Variants in BFSP1 observed in about 807,000 individuals in gnomAD.
The protein encoded by BFSP1 is beaded filament structural protein 1, also known as filensin.
In BFSP1, 38 loss-of-function variants were observed where a neutral mutation model predicts 43.9. That is an observed-to-expected ratio of 0.87 (90% CI 0.67 to 1.14). The LOEUF is 1.14. Among genes scored for constraint, BFSP1 ranks in the 50% most tolerant of loss-of-function variants. BFSP1 has a pLI of 0.00. For missense variants in BFSP1, 850 were observed against 875.1 expected, an observed-to-expected ratio of 0.97 and a Z score of 0.36; for synonymous variants, 352 against 354.8, an observed-to-expected ratio of 0.99 and a Z score of 0.09.
chr20:17,531,801 T>C (rs11906724), upstream of BFSP1, among the ~76,000 whole-genome samples: 420 of 152,328 alleles, frequency 2.8e-3, 3 homozygotes, highest in African/African-American at 9.6e-3. Flanking sequence ...ATTTTTTTTT[T>C]CTGATTACTT....
chr20:17,530,888 C>T (rs2034518725), intron 1 of BFSP1, 65 bp downstream of exon 1: 2 of 1,320,396 alleles, frequency 1.5e-6, no homozygotes, highest in Non-Finnish European at 1.9e-6. Context: ...GCAGCGTGCT[C>T]CCAGCCCCGC....
Position 17,494,136 on chromosome 20 carries a change from C to A in BFSP1, c.1936G>T (p.Val646Leu). Residue 646 changes from valine (V) to leucine (L), a missense_variant, in exon 8 of 8, where the codon GTG becomes TTG. Val to Leu is a conservative substitution (Grantham distance 32, BLOSUM62 1). Coordinates refer to ENST00000377873, the MANE Select transcript of BFSP1 (RefSeq NM_001195.5). Reference protein sequence around the residue: ...IQTYEETAVIVETMIGKTKSD... With the variant: ...IQTYEETAVILETMIGKTKSD... ...TTTGTCTTTCCAATCATGGTCTCCA[C>A]GATCACAGCGGTTTCTTCATATGTC... The A allele has an allele frequency of 1.9e-6, 3 of 1,614,152 alleles. No individual in the cohort carries two copies. Among genetic ancestry groups the A allele is most frequent in the Non-Finnish European group, 2.5e-6 (3 of 1,180,034 alleles).
At chr20:17,505,166 C>T (rs954512081) in intron 5 of BFSP1, among the ~76,000 whole-genome samples, 11 of 152,162 alleles carry the variant, frequency 7.2e-5, no homozygotes, top group African/African-American at 2.4e-4. Context: ...GTGCTTCCTC[C>T]GGGGCTCTTA....
chr20:17,494,466 G>A lies in BFSP1; in HGVS notation c.1606C>T (p.Pro536Ser). ...TTGTCTATAGGCTGCTGGTCAATTG[G>A]TTGTCCATCTTCTTTCTCCTGCAGA... is the stretch of plus-strand genomic sequence containing the variant. ...VGLQEKEDGQ[P>S]IDQQPIDKEI... The change falls in exon 8 of 8, where the codon CCA becomes TCA. Residue 536 changes from proline (P) to serine (S), a missense_variant. Transcript: ENST00000377873. The A allele has an allele frequency of 1.9e-6, 3 of 1,614,154 alleles. No homozygotes were observed. The highest frequency in any genetic ancestry group is 2.5e-6 in the Non-Finnish European group (3 of 1,180,040).
intron 1 of BFSP1, chr20:17,558,576 G>T: frequency 8.3e-7 from 1 of 1,204,372 alleles, no homozygotes; most frequent in Non-Finnish European, 1.2e-6. Flanking sequence ...AAACAAATGT[G>T]CAACCCGCTT....
intron 1 of BFSP1, among the ~76,000 whole-genome samples, chr20:17,556,887 C>T (rs1476088016): frequency 1.3e-5 from 2 of 151,828 alleles, no homozygotes; most frequent in Admixed American, 6.6e-5. Context: ...TTTTTAATAG[C>T]CAGAAAAAAT....
chr20:17,530,337 C>A (rs901822094), intron 1 of BFSP1, among the ~76,000 whole-genome samples: 1 of 152,264 alleles, frequency 6.6e-6, no homozygotes, highest in Non-Finnish European at 1.5e-5. Flanking sequence ...CTGGCCAAAT[C>A]CCTACATTTT....
Position 17,524,905 on chromosome 20 carries a change from A to G in BFSP1, c.381T>C (p.Tyr127=). The G allele has an allele frequency of 6.2e-7, 1 of 1,613,854 alleles. No homozygotes were observed. The highest frequency in any genetic ancestry group is 8.5e-7 in the Non-Finnish European group (1 of 1,179,738). Residue 127 remains tyrosine (Y), a synonymous_variant, in exon 2 of 8, where the codon TAT becomes TAC. Transcript: ENST00000377873. ...QRALDEFRSK[Y]ENECECQLLL... is the part of the protein sequence containing the mutation. ...GGAGTTGACATTCGCACTCATTTTC[A>G]TACCTGCAAATTGGACACATAAGTG...
intron 7 of BFSP1, among the ~76,000 whole-genome samples, chr20:17,495,523 C>T (rs1007979596): frequency 1.3e-5 from 2 of 152,196 alleles, no homozygotes; most frequent in Non-Finnish European, 2.9e-5. Context: ...GGCCTTGGGC[C>T]TGGAGATGGA....
At chr20:17,505,842 G>A (rs566671081) in intron 5 of BFSP1, among the ~76,000 whole-genome samples, 8 of 152,268 alleles carry the variant, frequency 5.3e-5, no homozygotes, top group African/African-American at 1.7e-4. Flanking sequence ...AGGAGCTCCC[G>A]GGCGCACCCA....
At chr20:17,553,821 A>ATATATG in intron 1 of BFSP1, among the ~76,000 whole-genome samples, 1 of 104,138 alleles carries the variant, frequency 9.6e-6, no homozygotes, top group African/African-American at 4.8e-5. Flanking sequence ...ACACACACAC[A>ATATATG]CACATATATA....
intron 1 of BFSP1, among the ~76,000 whole-genome samples, chr20:17,557,299 G>A (rs954330350): frequency 6.6e-6 from 1 of 152,186 alleles, no homozygotes; most frequent in Non-Finnish European, 1.5e-5. Context: ...TTTGAGATAC[G>A]CTTCCCAGCA....
chr20:17,537,335 A>C (rs1181052978), intron 1 of BFSP1, among the ~76,000 whole-genome samples: 2 of 152,072 alleles, frequency 1.3e-5, no homozygotes, highest in African/African-American at 2.4e-5. Context: ...CCAGTCTCTA[A>C]AGACGCACCC....
At position 17,525,443 on chromosome 20, in the gene BFSP1, G is replaced by A. The variant is rs538763398; in HGVS notation, c.378-535C>T. On this transcript the variant is annotated intron_variant, in intron 1 of 7. Transcript: ENST00000377873. The surrounding 1 kb of genome is among the most constrained non-coding windows in gnomAD (Gnocchi z 4.2). ...CATTAAAGATGAGGAAACTCAGGCA[G>A]ATGCTCCGCACACTTTTCCCTCCTC... Among the ~76,000 whole-genome samples the A allele has an allele frequency of 6.6e-6, 1 of 152,356 alleles. No individual in the cohort carries two copies. Among genetic ancestry groups the A allele is most frequent in the South Asian group, 2.1e-4 (1 of 4,834 alleles).
intron 2 of BFSP1, among the ~76,000 whole-genome samples, chr20:17,515,706 G>T (rs1454564884): frequency 6.6e-6 from 1 of 152,156 alleles, no homozygotes; most frequent in Non-Finnish European, 1.5e-5. Context: ...TGATATTACA[G>T]GTGAGCATTA....
chr20:17,497,610 A>G (rs1286914520), intron 6 of BFSP1, among the ~76,000 whole-genome samples: 2 of 112,904 alleles, frequency 1.8e-5, no homozygotes, highest in African/African-American at 3.2e-5. Context: ...ATATATACGT[A>G]TATATACATA....
chr20:17,560,025 C>T (rs573915139), upstream of BFSP1, among the ~76,000 whole-genome samples: 5 of 151,872 alleles, frequency 3.3e-5, no homozygotes, highest in South Asian at 1.0e-3. Flanking sequence ...GTTTGTTTTC[C>T]TTGAATACAA....
intron 1 of BFSP1, among the ~76,000 whole-genome samples, chr20:17,529,871 T>C (rs2034497047): frequency 6.6e-6 from 1 of 152,140 alleles, no homozygotes; most frequent in Non-Finnish European, 1.5e-5. Flanking sequence ...CTGGAGTGCA[T>C]CCTATAATAC....
At chr20:17,513,390 T>C (rs569108140) in intron 3 of BFSP1, among the ~76,000 whole-genome samples, 9 of 152,174 alleles carry the variant, frequency 5.9e-5, no homozygotes, top group Non-Finnish European at 1.2e-4. Context: ...TGAGCGATCA[T>C]CATCACCGTC....
Sources: gnomAD v4.1 joint callset for allele counts (sites outside exome capture counted in the v4.1 genomes callset) on GRCh38, gnomAD v4.1.1 for gene constraint, Gnocchi (gnomAD v3.1) non-coding constraint, MANE v1.5 for transcripts, NCBI Gene and HGNC (gene_info 2026-07-23, HGNC 2026-07-21) for gene names.